Variants in FZD5 observed in about 807,000 individuals in gnomAD.
FZD5 encodes the protein frizzled class receptor 5, also known as frizzled-5.
In FZD5, 12 loss-of-function variants were observed where a neutral mutation model predicts 40.8. That is an observed-to-expected ratio of 0.29 (90% CI 0.19 to 0.48). The LOEUF (loss-of-function observed/expected upper bound fraction) is 0.48, where lower values mean the gene tolerates loss of function less well. Ranked by LOEUF, FZD5 falls within the 20% of genes least tolerant of loss-of-function variation. The pLI, the probability that FZD5 is intolerant of heterozygous loss-of-function variation, is 0.99. For missense variants in FZD5, 622 were observed against 832.8 expected (o/e 0.75, Z 3.12); for synonymous variants, 380 against 383.7 (o/e 0.99, Z 0.11).
In FZD5 at chr2:207,766,733, A is replaced by G. The variant is rs761373854; in HGVS notation, c.*249T>C. 1 of 367,052 alleles carries G rather than the reference A, an allele frequency of 2.7e-6. No homozygotes were observed. The highest frequency in any genetic ancestry group is 4.8e-6 in the Non-Finnish European group (1 of 207,216). The allele number at this position is 367,052 out of a possible 1,614,324, so 22.7% of individuals were successfully genotyped here. On this transcript the variant is annotated 3_prime_UTR_variant, in exon 2 of 2. Transcript: ENST00000295417. ...AAGTTACAAATTAAGAAAAATACAT[A>G]TAAATTAAAAAGAGGGTTCCCATAA...
At position 207,767,142 on chromosome 2, in the gene FZD5, A is replaced by G. The variant is rs781204405; in HGVS notation, c.1598T>C (p.Phe533Ser). 1.9e-6 allele frequency: 3 copies of G among 1,567,762 alleles called. No homozygotes were observed. Among genetic ancestry groups the G allele is most frequent in the Admixed American group, 1.9e-5 (1 of 53,040 alleles). ...SGKTVESWRR[F>S]TSRCCCRPRR... is the part of the protein sequence containing the mutation. ...CGGGCGGCAGCAGCAGCGGCTGGTG[A>G]AACGCCGCCACGACTCCACCGTCTT... The change falls in exon 2 of 2, where the codon TTC becomes TCC. Residue 533 changes from phenylalanine (F) to serine (S), a missense_variant. By Grantham distance (155) the Phe-to-Ser change is radical (BLOSUM62 -2). This residue lies in a region of FZD5 where 154 missense variants were observed against 152.1 expected (regional missense o/e 1.01). Transcript: ENST00000295417.
rs771647796 is a variant in FZD5, at chr2:207,767,444, G to A, written c.1296C>T (p.Val432=). The change falls in exon 2 of 2, where the codon GTC becomes GTT. Residue 432 remains valine (V), a synonymous_variant. Transcript: ENST00000295417. ...GFVSLFRIRS[V]IKQGGTKTDK... is the part of the protein sequence containing the mutation. ...CCGTCTTGGTGCCGCCCTGCTTGAT[G>A]ACGCTGCGGATGCGGAAGAGCGACA... 8 of 1,612,030 alleles carry A rather than the reference G, an allele frequency of 5.0e-6. No individual in the cohort carries two copies. The East Asian group carries it at 1.8e-4, about 36-fold the overall frequency.
chr2:207,768,226 G>T lies in FZD5; in HGVS notation c.514C>A (p.Pro172Thr), dbSNP rs759024245. 20 of 1,564,622 alleles carry T rather than the reference G, an allele frequency of 1.3e-5. No individual in the cohort carries two copies. Among genetic ancestry groups the T allele is most frequent in the Non-Finnish European group, 1.6e-5 (19 of 1,161,014 alleles). The change falls in exon 2 of 2, where the codon CCG becomes ACG. Residue 172 changes from proline (P) to threonine (T), a missense_variant. Around this residue, in one of 4 missense-constraint regions of FZD5, gnomAD observed 116 missense variants for 117.7 expected, o/e 0.99. Coordinates refer to ENST00000295417, the MANE Select transcript of FZD5 (RefSeq NM_003468.4). ...PFPAKPTLPG[P>T]PGAPASGGEC... Reference sequence around the variant, plus strand: ...CCCCCCGAGGCCGGCGCCCCTGGCGGGCCTGGAAGGGTGGGCTTGGCTGGG... The same window carrying T: ...CCCCCCGAGGCCGGCGCCCCTGGCGTGCCTGGAAGGGTGGGCTTGGCTGGG...
rs1357278067 is a variant in FZD5 at position 207,767,478 on chromosome 2, G to A, written c.1262C>T (p.Ala421Val). 3 of 1,610,584 alleles carry A rather than the reference G, an allele frequency of 1.9e-6. No homozygotes were observed. Among genetic ancestry groups the A allele is most frequent in the Non-Finnish European group, 2.5e-6 (3 of 1,179,924 alleles). The change falls in exon 2 of 2, where the codon GCG becomes GTG. Residue 421 changes from alanine (A) to valine (V), a missense_variant. Coordinates refer to ENST00000295417, the MANE Select transcript of FZD5 (RefSeq NM_003468.4). ...YLLVGTLFLL[A>V]GFVSLFRIRS... ...GATGCGGAAGAGCGACACGAAGCCCGCCAGCAGGAAGAGCGTGCCCACCAG... is the reference window on the plus strand; with the variant it reads ...GATGCGGAAGAGCGACACGAAGCCCACCAGCAGGAAGAGCGTGCCCACCAG...
rs2091969341 is a variant in FZD5, at chr2:207,764,370, G to C, written c.*2612C>G. The C allele has an allele frequency of 1.4e-5, 2 of 145,248 alleles. No homozygotes were observed. The highest frequency in any genetic ancestry group is 3.1e-5 in the Non-Finnish European group (2 of 64,574). The allele number at this position is 145,248 out of a possible 1,614,324, so 9.0% of individuals were successfully genotyped here. ...GAAGTAACTATATGGATGGAAACAGGGGGTGGCTGTAAGTAGATCCAGTTT... is the reference window on the plus strand; with the variant it reads ...GAAGTAACTATATGGATGGAAACAGCGGGTGGCTGTAAGTAGATCCAGTTT... On this transcript the variant is annotated 3_prime_UTR_variant, in exon 2 of 2. Transcript: ENST00000295417.
Position 207,768,473 on chromosome 2 carries a change from C to T in FZD5, c.267G>A (p.Met89Ile), listed in dbSNP as rs756316536. The T allele has an allele frequency of 1.3e-5, 21 of 1,613,278 alleles. No homozygotes were observed. Among genetic ancestry groups the T allele is most frequent in the Non-Finnish European group, 1.7e-5 (20 of 1,179,874 alleles). The change falls in exon 2 of 2, where the codon ATG (methionine) becomes ATA (isoleucine). Residue 89 changes from methionine to isoleucine, a missense_variant. By Grantham distance (10) the Met-to-Ile change is conservative (BLOSUM62 1). Coordinates refer to ENST00000295417, the MANE Select transcript of FZD5 (RefSeq NM_003468.4). ...SPDLRFFLCS[M>I]YTPICLPDYH... is the part of the protein sequence containing the mutation. ...AGTCGGGCAGACAGATGGGCGTGTA[C>T]ATAGAGCATAGGAAGAAGCGCAGGT... is the stretch of plus-strand genomic sequence containing the variant.
rs750354528 is a variant in FZD5 at position 207,768,719 on chromosome 2, G to C, written c.21C>G (p.Ser7=). MARPDP[S]APPSLLLLLL... ...GCAGCAGCAACAGCGAGGGCGGCGC[G>C]GATGGGTCAGGCCGAGCCATCGCCC... The change falls in exon 2 of 2, where the codon TCC becomes TCG. Residue 7 remains serine, a synonymous_variant. Coordinates refer to ENST00000295417, the MANE Select transcript of FZD5 (RefSeq NM_003468.4). The C allele has an allele frequency of 3.8e-6, 6 of 1,586,242 alleles. No individual in the cohort carries two copies. The East Asian group carries it at 9.2e-5, about 24-fold the overall frequency.
Position 207,769,850 on chromosome 2 carries a change from G to A in FZD5, c.-841C>T, listed in dbSNP as rs975133427. Among the ~76,000 whole-genome samples, 2 of 152,014 alleles carry A rather than the reference G, an allele frequency of 1.3e-5. No individual in the cohort carries two copies. Among genetic ancestry groups the A allele is most frequent in the African/African-American group, 4.8e-5 (2 of 41,426 alleles). On this transcript the variant is annotated 5_prime_UTR_variant, in exon 1 of 2. Coordinates refer to ENST00000295417, the MANE Select transcript of FZD5 (RefSeq NM_003468.4). ...CCTTTCGCCCACCTCTGGCGAGCAC[G>A]GAACCGCGCGCGGCGGCGACCACAG...
chr2:207,764,415 A>C lies in FZD5; in HGVS notation c.*2567T>G, dbSNP rs2091969570. The C allele has an allele frequency of 6.6e-6, 1 of 152,234 alleles. No homozygotes were observed. Among genetic ancestry groups the C allele is most frequent in the African/African-American group, 2.4e-5 (1 of 41,446 alleles). 9.4% of individuals were successfully genotyped at this position (152,234 alleles called of 1,614,324 possible). Reference sequence around the variant, plus strand: ...CAGTTTCTCTCCCCTGGGGTGGCTGATCTCAGTAAGACTTAGGGATGCAGG... The same window carrying C: ...CAGTTTCTCTCCCCTGGGGTGGCTGCTCTCAGTAAGACTTAGGGATGCAGG... On this transcript the variant is annotated 3_prime_UTR_variant, in exon 2 of 2. Transcript: ENST00000295417.
At position 207,768,807 on chromosome 2, in the gene FZD5, G is replaced by C. The variant is rs1393087567; in HGVS notation, c.-68C>G. On this transcript the variant is annotated 5_prime_UTR_variant, in exon 2 of 2. Transcript: ENST00000295417. ...CACACAGGCAGAGGAATCCGGGCCG[G>C]GGCTTCTCCCTCCGGCGTCTCGTGT... 2.6e-5 allele frequency: 33 copies of C among 1,287,568 alleles called. No homozygotes were observed. Among genetic ancestry groups the C allele is most frequent in the Middle Eastern group, 2.6e-4 (1 of 3,886 alleles). 79.8% of individuals were successfully genotyped at this position (1,287,568 alleles called of 1,614,324 possible). A position where few individuals can be genotyped will look rare whatever the true frequency, so the allele number is the denominator to read the frequency against.
Position 207,767,672 on chromosome 2 carries a change from G to A in FZD5, c.1068C>T (p.Tyr356=), listed in dbSNP as rs1222619439. The part of the protein sequence containing the change: ...MKWGNEAIAG[Y]AQYFHLAAWL... The stretch of plus-strand genomic sequence containing the variant: ...ACGCAGCCAGGTGGAAGTACTGCGC[G>A]TAGCCCGCGATGGCCTCGTTGCCCC... The change falls in exon 2 of 2, where the codon TAC becomes TAT. Residue 356 remains tyrosine (Y), a synonymous_variant. Transcript: ENST00000295417. 8 of 1,613,464 alleles carry A rather than the reference G, an allele frequency of 5.0e-6. No homozygotes were observed. The highest frequency in any genetic ancestry group is 6.8e-6 in the Non-Finnish European group (8 of 1,179,724).
Position 207,766,081 on chromosome 2 carries a change from AAAAAAAAAAAAAAAAG to A in FZD5, c.*885_*900del, listed in dbSNP as rs1223713976. Reference sequence around the variant, plus strand: ...ATAACACAAGTTCCTTAAAAAAAAAAAAAAAAAAAAAAAAAGGGGATCACTGAAGCTTAAGAACCAC... The same window carrying A: ...ATAACACAAGTTCCTTAAAAAAAAAAGGGATCACTGAAGCTTAAGAACCAC... On this transcript the variant is annotated 3_prime_UTR_variant, in exon 2 of 2. Coordinates refer to ENST00000295417, the MANE Select transcript of FZD5 (RefSeq NM_003468.4). The A allele has an allele frequency of 1.1e-5, 1 of 95,126 alleles. No homozygotes were observed. The highest frequency in any genetic ancestry group is 2.2e-5 in the Non-Finnish European group (1 of 44,656). The allele number at this position is 95,126 out of a possible 1,614,324, so 5.9% of individuals were successfully genotyped here.
In FZD5 at chr2:207,767,032, G is replaced by A; in HGVS notation, c.1708C>T (p.Pro570Ser). ...TTGTGGTAGGTGGCGGCGGGGCCCG[G>A]CGGCCCGGTCCTGCCTGTGAGCGCG... is the stretch of plus-strand genomic sequence containing the variant. ...SAALTGRTGP[P>S]GPAATYHKQV... Residue 570 changes from proline (P) to serine (S), a missense_variant, in exon 2 of 2, where the codon CCG (proline) becomes TCG (serine). Pro to Ser is a moderately conservative substitution (Grantham distance 74). Coordinates refer to ENST00000295417, the MANE Select transcript of FZD5 (RefSeq NM_003468.4). 6.8e-7 allele frequency: 1 copy of A among 1,479,384 alleles called. No homozygotes were observed. The highest frequency in any genetic ancestry group is 8.9e-7 in the Non-Finnish European group (1 of 1,125,444). The allele number at this position is 1,479,384 out of a possible 1,614,324, so 91.6% of individuals were successfully genotyped here.
rs771413420 is a variant in FZD5, at chr2:207,767,474, G to A, written c.1266C>T (p.Gly422=). The change falls in exon 2 of 2, where the codon GGC becomes GGT. Residue 422 remains glycine, a synonymous_variant. Coordinates refer to ENST00000295417, the MANE Select transcript of FZD5 (RefSeq NM_003468.4). ...LLVGTLFLLA[G]FVSLFRIRSV... is the part of the protein sequence containing the mutation. ...TGCGGATGCGGAAGAGCGACACGAA[G>A]CCCGCCAGCAGGAAGAGCGTGCCCA... 124 of 1,610,570 alleles carry A rather than the reference G, an allele frequency of 7.7e-5. No individual in the cohort carries two copies. The highest frequency in any genetic ancestry group is 9.6e-5 in the Non-Finnish European group (113 of 1,179,936).
At position 207,768,669 on chromosome 2, in the gene FZD5, G is replaced by A. The variant is rs768441758; in HGVS notation, c.71C>T (p.Ala24Val). 1 of 1,609,120 alleles carries A rather than the reference G, an allele frequency of 6.2e-7. No individual in the cohort carries two copies. Among genetic ancestry groups the A allele is most frequent in the South Asian group, 1.1e-5 (1 of 90,682 alleles). Reference protein sequence around the residue: ...LLLLAQLVGRAAAASKAPVCQ... With the variant: ...LLLLAQLVGRVAAASKAPVCQ... Reference sequence around the variant, plus strand: ...CACCGGGGCCTTGGACGCGGCGGCCGCCCGGCCCACCAGCTGCGCTAGGAG... The same window carrying A: ...CACCGGGGCCTTGGACGCGGCGGCCACCCGGCCCACCAGCTGCGCTAGGAG... The change falls in exon 2 of 2, where the codon GCG becomes GTG. Residue 24 changes from alanine to valine, a missense_variant. Around this residue, in one of 4 missense-constraint regions of FZD5, gnomAD observed 144 missense variants for 214.2 expected, o/e 0.67. Transcript: ENST00000295417.
Position 207,766,062 on chromosome 2 carries a change from C to T in FZD5, c.*920G>A, listed in dbSNP as rs1368775595. ...TTATACTTTTACCAAAATTATAACA[C>T]AAGTTCCTTAAAAAAAAAAAAAAAA... On this transcript the variant is annotated 3_prime_UTR_variant, in exon 2 of 2. Coordinates refer to ENST00000295417, the MANE Select transcript of FZD5 (RefSeq NM_003468.4). 2 of 95,544 alleles carry T rather than the reference C, an allele frequency of 2.1e-5. No individual in the cohort carries two copies. Among genetic ancestry groups the T allele is most frequent in the Non-Finnish European group, 3.9e-5 (2 of 50,878 alleles). 5.9% of individuals were successfully genotyped at this position (95,544 alleles called of 1,614,324 possible).
In FZD5 at chr2:207,766,064, A is replaced by G. The variant is rs1291494555; in HGVS notation, c.*918T>C. 2 of 134,886 alleles carry G rather than the reference A, an allele frequency of 1.5e-5. No individual in the cohort carries two copies. The highest frequency in any genetic ancestry group is 3.1e-5 in the Non-Finnish European group (2 of 64,298). The allele number at this position is 134,886 out of a possible 1,614,324, so 8.4% of individuals were successfully genotyped here. A position where few individuals can be genotyped will look rare whatever the true frequency, so the allele number is the denominator to read the frequency against. ...ATACTTTTACCAAAATTATAACACAAGTTCCTTAAAAAAAAAAAAAAAAAA... is the reference window on the plus strand; with the variant it reads ...ATACTTTTACCAAAATTATAACACAGGTTCCTTAAAAAAAAAAAAAAAAAA... On this transcript the variant is annotated 3_prime_UTR_variant, in exon 2 of 2. Coordinates refer to ENST00000295417, the MANE Select transcript of FZD5 (RefSeq NM_003468.4).
In FZD5 at chr2:207,768,660, G is replaced by C. The variant is rs1326626450; in HGVS notation, c.80C>G (p.Ala27Gly). The change falls in exon 2 of 2, where the codon GCG becomes GGG. Residue 27 changes from alanine to glycine, a missense_variant. Around this residue, in one of 4 missense-constraint regions of FZD5, gnomAD observed 144 missense variants for 214.2 expected, o/e 0.67. Transcript: ENST00000295417. Reference protein sequence around the residue: ...LAQLVGRAAAASKAPVCQEIT... With the variant: ...LAQLVGRAAAGSKAPVCQEIT... ...TTCCTGGCACACCGGGGCCTTGGACGCGGCGGCCGCCCGGCCCACCAGCTG... is the reference window on the plus strand; with the variant it reads ...TTCCTGGCACACCGGGGCCTTGGACCCGGCGGCCGCCCGGCCCACCAGCTG... 4 of 1,610,546 alleles carry C rather than the reference G, an allele frequency of 2.5e-6. No homozygotes were observed. Among genetic ancestry groups the C allele is most frequent in the Admixed American group, 3.3e-5 (2 of 59,782 alleles).
At position 207,768,491 on chromosome 2, in the gene FZD5, G is replaced by A. The variant is rs754120518; in HGVS notation, c.249C>T (p.Arg83=). The A allele has an allele frequency of 6.2e-6, 10 of 1,613,802 alleles. No individual in the cohort carries two copies. The highest frequency in any genetic ancestry group is 1.6e-4 in the Middle Eastern group (1 of 6,084). Residue 83 remains arginine (R), a synonymous_variant, in exon 2 of 2, where the codon CGC becomes CGT. Transcript: ENST00000295417. ...LVEIQCSPDL[R]FFLCSMYTPI... is the part of the protein sequence containing the mutation. ...GCGTGTACATAGAGCATAGGAAGAA[G>A]CGCAGGTCCGGCGAGCATTGGATCT... is the stretch of plus-strand genomic sequence containing the variant.
Sources: allele counts gnomAD v4.1 joint callset (sites outside exome capture counted in the v4.1 genomes callset), GRCh38; gene constraint gnomAD v4.1.1; regional missense constraint gnomAD v4.1.1; transcripts MANE v1.5; gene names NCBI Gene and HGNC (gene_info 2026-07-23, HGNC 2026-07-21).